FER: variants seen among roughly 807,000 people sequenced by gnomAD.
The protein encoded by FER is FER tyrosine kinase.
FER carries 63 observed loss-of-function variants against 111.0 expected under a neutral mutation model. That is an observed-to-expected ratio of 0.57 (90% CI 0.46 to 0.70). FER has a LOEUF of 0.70. Among genes scored for constraint, FER ranks in the 30% least tolerant of loss-of-function variants. FER has a pLI of 0.00. For missense variants in FER, 914 were observed against 954.0 expected, an observed-to-expected ratio of 0.96 and a Z score of 0.55; for synonymous variants, 327 against 313.9, an observed-to-expected ratio of 1.04 and a Z score of -0.44.
At chr5:108,983,195 G>C (rs1762193289) in intron 13 of FER, among the ~76,000 whole-genome samples, 1 of 151,988 alleles carries the variant, frequency 6.6e-6, no homozygotes, top group African/African-American at 2.4e-5. Flanking sequence ...GGACATAATT[G>C]AGCATCATAT....
At chr5:108,912,387 G>A (rs553386281) in intron 10 of FER, among the ~76,000 whole-genome samples, 80 of 152,102 alleles carry the variant, frequency 5.3e-4, no homozygotes, top group Non-Finnish European at 9.1e-4. Context: ...TTGAGACAGA[G>A]TCTCGCTCTT....
At chr5:109,145,751 G>A (rs1204708250) in intron 17 of FER, among the ~76,000 whole-genome samples, 1 of 152,038 alleles carries the variant, frequency 6.6e-6, no homozygotes, top group Non-Finnish European at 1.5e-5. Context: ...TATGCATATA[G>A]AATGTTATTA....
chr5:108,938,992 T>C (rs1365369546), intron 10 of FER, among the ~76,000 whole-genome samples: 2 of 152,062 alleles, frequency 1.3e-5, no homozygotes, highest in African/African-American at 2.4e-5. Context: ...CTGAGACATA[T>C]TGCATTAATG....
intron 17 of FER, among the ~76,000 whole-genome samples, chr5:109,119,299 T>C (rs1180630323): frequency 6.6e-6 from 1 of 152,222 alleles, no homozygotes; most frequent in Non-Finnish European, 1.5e-5. Flanking sequence ...GTTGTTCAGT[T>C]TCCATGTAGT....
chr5:108,950,803 C>A (rs1170004400), intron 11 of FER, among the ~76,000 whole-genome samples: 1 of 152,046 alleles, frequency 6.6e-6, no homozygotes, highest in Non-Finnish European at 1.5e-5. Flanking sequence ...AATACACTTT[C>A]CTACCTATGA....
chr5:108,879,642 G>T (rs1265974450), intron 8 of FER, among the ~76,000 whole-genome samples: 1 of 144,896 alleles, frequency 6.9e-6, no homozygotes. Flanking sequence ...TTTTTAAGGG[G>T]ATAATGGTAA....
chr5:109,184,520 A>G (rs1758644274), intron 18 of FER, among the ~76,000 whole-genome samples: 1 of 152,148 alleles, frequency 6.6e-6, no homozygotes, highest in Non-Finnish European at 1.5e-5. Context: ...ATCTTGCTTT[A>G]TATGTAATAT....
chr5:109,109,553 T>C (rs543032296), intron 17 of FER, among the ~76,000 whole-genome samples: 22 of 152,216 alleles, frequency 1.4e-4, no homozygotes, highest in African/African-American at 4.8e-4. Context: ...AGGATGATAA[T>C]ATTCACTCCA....
At chr5:109,014,774 G>A (rs1051510942) in intron 13 of FER, 1 of 152,110 alleles carries the variant, frequency 6.6e-6, no homozygotes, top group Non-Finnish European at 1.5e-5. Context: ...GTGGTTTGTA[G>A]TTCTCCTTGA....
At chr5:108,984,257 A>G (rs896277964) in intron 13 of FER, among the ~76,000 whole-genome samples, 11 of 152,246 alleles carry the variant, frequency 7.2e-5, no homozygotes, top group African/African-American at 2.6e-4. Context: ...ACTGTAGGCA[A>G]AGATCTAGAG....
chr5:109,068,140 C>G (rs769315118), intron 16 of FER, among the ~76,000 whole-genome samples: 4 of 151,696 alleles, frequency 2.6e-5, no homozygotes, highest in Non-Finnish European at 5.9e-5. Flanking sequence ...CAGTGGGAAA[C>G]ATACCTGCTC....
chr5:109,184,730 ATC>A (rs1224835717), intron 18 of FER, among the ~76,000 whole-genome samples: 2 of 152,228 alleles, frequency 1.3e-5, no homozygotes, highest in Non-Finnish European at 2.9e-5. Context: ...CATAATTACT[ATC>A]TATCTACTAA....
chr5:108,897,574 C>A, intron 9 of FER, 85 bp from the exon 10 acceptor site: 3 of 1,002,704 alleles, frequency 3.0e-6, no homozygotes, highest in Admixed American at 3.8e-5. Context: ...AAAATGAAAT[C>A]AAAGAAAAGC....
chr5:108,959,114 CA>C, intron 12 of FER, 110 bp from the exon 13 acceptor site: 1 of 1,063,342 alleles, frequency 9.4e-7, no homozygotes, highest in East Asian at 2.5e-5. Flanking sequence ...AGTATATTCA[CA>C]TTGTTGTGCA....
intron 17 of FER, among the ~76,000 whole-genome samples, chr5:109,131,772 C>G (rs1403376179): frequency 6.6e-6 from 1 of 152,008 alleles, no homozygotes; most frequent in Non-Finnish European, 1.5e-5. Context: ...AGAAAATAAT[C>G]CATATTTGTT....
Position 109,134,839 on chromosome 5 carries a change from G to A in FER, c.2048+34320G>A, listed in dbSNP as rs372071453. Among the ~76,000 whole-genome samples the A allele has an allele frequency of 3.3e-5, 5 of 152,158 alleles. No individual in the cohort carries two copies. The South Asian group carries it at 6.2e-4, about 19-fold the overall frequency. ...ATACATAGGAAGAATGATTCACTCT[G>A]CCTAGGATAGCTTTGTAGGGGACAT... On this transcript the variant is annotated intron_variant, in intron 17 of 19. Transcript: ENST00000281092.
intron 3 of FER, among the ~76,000 whole-genome samples, chr5:108,800,995 C>T (rs996238586): frequency 1.3e-5 from 2 of 152,056 alleles, no homozygotes; most frequent in African/African-American, 2.4e-5. Flanking sequence ...TGCAGTGAGC[C>T]GAGGTCATGC....
At chr5:108,895,088 C>T (rs536928940) in intron 9 of FER, among the ~76,000 whole-genome samples, 202 of 152,008 alleles carry the variant, frequency 1.3e-3, no homozygotes, top group African/African-American at 4.5e-3. Flanking sequence ...TTGGAAGATC[C>T]CATTTATTAT....
intron 10 of FER, among the ~76,000 whole-genome samples, chr5:108,899,922 A>G (rs1396304814): frequency 6.6e-6 from 1 of 152,200 alleles, no homozygotes; most frequent in Non-Finnish European, 1.5e-5. Flanking sequence ...GTAGTTTAAG[A>G]GAATGAATTG....
Sources: allele counts gnomAD v4.1 joint callset (sites outside exome capture counted in the v4.1 genomes callset), GRCh38; gene constraint gnomAD v4.1.1; transcripts MANE v1.5; gene names NCBI Gene and HGNC (gene_info 2026-07-23, HGNC 2026-07-21).